The following ATXN7 variants were observed in gnomAD, a reference collection of about 807,000 sequenced individuals.
The protein encoded by ATXN7 is ataxin-7.
In ATXN7, 12 loss-of-function variants were observed where a neutral mutation model predicts 70.5. The observed-to-expected ratio is 0.17, with a 90% CI of 0.11 to 0.28. The LOEUF is 0.28. Among genes scored for constraint, ATXN7 ranks in the 10% least tolerant of loss-of-function variants. The pLI is 1.00. For missense variants in ATXN7, 1,256 were observed against 1,131.7 expected (o/e 1.11, Z -1.58); for synonymous variants, 498 against 448.7 (o/e 1.11, Z -1.39).
chr3:63,914,127 TTTTA>T (rs1433925788), intron 4 of ATXN7, among the ~76,000 whole-genome samples: 1 of 152,198 alleles, frequency 6.6e-6, no homozygotes, highest in African/African-American at 2.4e-5. Context: ...CCGAATGCAA[TTTTA>T]TTTCTCACTC....
chr3:63,915,784 C>G (rs961189006), intron 4 of ATXN7, among the ~76,000 whole-genome samples: 1 of 151,458 alleles, frequency 6.6e-6, no homozygotes, highest in African/African-American at 2.4e-5. Context: ...TGGGTTCAAG[C>G]GATTCTCTGG....
intron 4 of ATXN7, among the ~76,000 whole-genome samples, chr3:63,923,154 A>AT: frequency 6.6e-6 from 1 of 152,282 alleles, no homozygotes; most frequent in South Asian, 2.1e-4. Context: ...AACTTCACTC[A>AT]TTTAGCTTTT....
At chr3:63,924,955 A>T (rs1196423039) in intron 4 of ATXN7, among the ~76,000 whole-genome samples, 2 of 152,186 alleles carry the variant, frequency 1.3e-5, no homozygotes, top group Non-Finnish European at 2.9e-5. Context: ...AGAGTAAGGG[A>T]TAATTGGTCA....
In ATXN7 at chr3:63,884,203, GCACACACACACACACACACA is replaced by G. The variant is rs57391192; in HGVS notation, c.-110-14177_-110-14158del. On this transcript the variant is annotated intron_variant, in intron 1 of 12. Transcript: ENST00000674280. ...TCCAGAAAGTAAGAAAATAACATGC[GCACACACACACACACACACA>G]CACACACACACACACACATACTCTC... Among the ~76,000 whole-genome samples the G allele has an allele frequency of 8.4e-5, 12 of 143,032 alleles. No homozygotes were observed. The Middle Eastern group carries it at 0.01, about 125-fold the overall frequency. 93.8% of individuals were successfully genotyped at this position (143,032 alleles called of 152,430 possible).
In ATXN7 at chr3:63,990,176, G is replaced by T; in HGVS notation, c.1362G>T (p.Arg454Ser). The change falls in exon 10 of 13, where the codon AGG becomes AGT. Residue 454 changes from arginine to serine, a missense_variant and splice_region_variant. By Grantham distance (110) the Arg-to-Ser change is moderately radical (BLOSUM62 -1). Coordinates refer to ENST00000674280, the MANE Select transcript of ATXN7 (RefSeq NM_001377405.1). ...KPKPHTPSLP[R>S]PPGCPAQQGG... ...CGTGCTGCACTTTCTACTCACCAAGGCCTCCAGGCTGCCCTGCTCAGCAAG... is the reference window on the plus strand; with the variant it reads ...CGTGCTGCACTTTCTACTCACCAAGTCCTCCAGGCTGCCCTGCTCAGCAAG... 6.2e-7 allele frequency: 1 copy of T among 1,612,688 alleles called. No individual in the cohort carries two copies.
chr3:63,922,012 A>G lies in ATXN7; in HGVS notation c.394+8787A>G, dbSNP rs535008643. Among the ~76,000 whole-genome samples the G allele has an allele frequency of 7.2e-5, 11 of 152,162 alleles. No homozygotes were observed. In the South Asian group the frequency reaches 2.1e-3, roughly 29 times the overall value. ...TGACAGAGTGTAGCAAATGAACCGCAGTTTTTTTCTTTTTCTTTTTTTTTC... is the reference window on the plus strand; with the variant it reads ...TGACAGAGTGTAGCAAATGAACCGCGGTTTTTTTCTTTTTCTTTTTTTTTC... On this transcript the variant is annotated intron_variant, in intron 4 of 12. Transcript: ENST00000674280.
rs182720371 is a variant in ATXN7, at chr3:63,893,778, T to G, written c.-110-4621T>G. Among the ~76,000 whole-genome samples, 263 of 152,212 alleles carry G rather than the reference T, an allele frequency of 1.7e-3. 1 individual carries two copies. The highest frequency in any genetic ancestry group is 3.3e-3 in the Admixed American group (50 of 15,286). On this transcript the variant is annotated intron_variant, in intron 1 of 12. Transcript: ENST00000674280. ...AGTAACTCTGAGCAGTGGCTGTAGC[T>G]CAGCAGGTAGAAAAACTCTCTAACC...
At chr3:63,956,315 G>T (rs564794731) in intron 5 of ATXN7, among the ~76,000 whole-genome samples, 55 of 151,742 alleles carry the variant, frequency 3.6e-4, no homozygotes, top group Middle Eastern at 6.8e-3. Flanking sequence ...CTCCCACTTG[G>T]GAGGCTGAGG....
chr3:63,945,928 T>G (rs1217375883), intron 4 of ATXN7, among the ~76,000 whole-genome samples: 1 of 152,118 alleles, frequency 6.6e-6, no homozygotes, highest in Non-Finnish European at 1.5e-5. Flanking sequence ...TGTGGTGTAG[T>G]TCAGGAACAA....
At chr3:63,884,597 G>A (rs943751029) in intron 1 of ATXN7, among the ~76,000 whole-genome samples, 22 of 151,788 alleles carry the variant, frequency 1.4e-4, no homozygotes, top group Non-Finnish European at 2.6e-4. Context: ...GATTTATGCA[G>A]ATAATCATCT....
chr3:63,897,544 A>G (rs1380892801), intron 1 of ATXN7, among the ~76,000 whole-genome samples: 1 of 152,230 alleles, frequency 6.6e-6, no homozygotes, highest in East Asian at 1.9e-4. Context: ...GTACATGAAA[A>G]TAAATAAAAG....
At chr3:63,953,791 C>T (rs2074994092) in intron 5 of ATXN7, among the ~76,000 whole-genome samples, 1 of 151,818 alleles carries the variant, frequency 6.6e-6, no homozygotes, top group Non-Finnish European at 1.5e-5. Context: ...GCTGGGACTA[C>T]AGGCACCCGC....
chr3:63,903,876 G>A (rs1703740515), intron 2 of ATXN7: 1 of 152,148 alleles, frequency 6.6e-6, no homozygotes, highest in South Asian at 2.1e-4. Flanking sequence ...AGTCAATCTG[G>A]AATTTTTTGT....
At position 63,999,609 on chromosome 3, in the gene ATXN7, C is replaced by G. The variant is rs1559665556; in HGVS notation, c.*142C>G. On this transcript the variant is annotated 3_prime_UTR_variant, in exon 13 of 13. Coordinates refer to ENST00000674280, the MANE Select transcript of ATXN7 (RefSeq NM_001377405.1). ...GCCTCAAGGGTAGAAACCTGCCGGGCTGTTGTTTTAACGAGGATTTCCCTG... is the reference window on the plus strand; with the variant it reads ...GCCTCAAGGGTAGAAACCTGCCGGGGTGTTGTTTTAACGAGGATTTCCCTG... 3 of 1,460,432 alleles carry G rather than the reference C, an allele frequency of 2.1e-6. No homozygotes were observed. Among genetic ancestry groups the G allele is most frequent in the Non-Finnish European group, 2.8e-6 (3 of 1,063,318 alleles). The allele number at this position is 1,460,432 out of a possible 1,614,324, so 90.5% of individuals were successfully genotyped here.
chr3:63,998,707 T>G, intron 12 of ATXN7: 1 of 979,984 alleles, frequency 1.0e-6, no homozygotes, highest in East Asian at 1.1e-4. Context: ...GTATTGCACA[T>G]TTTTATGTCT....
intron 1 of ATXN7, among the ~76,000 whole-genome samples, chr3:63,865,639 C>T (rs150693802): frequency 1.3e-5 from 2 of 152,104 alleles, no homozygotes; most frequent in East Asian, 3.9e-4. Flanking sequence ...CGCCTGTAAT[C>T]CCAGCACTTT....
chr3:63,964,339 G>A (rs184182852), intron 5 of ATXN7, among the ~76,000 whole-genome samples: 3 of 152,214 alleles, frequency 2.0e-5, no homozygotes, highest in East Asian at 3.9e-4. Flanking sequence ...AAAATGTGAG[G>A]CCTCCTAGAG....
chr3:63,987,007 A>AT (rs1314148423), intron 8 of ATXN7, among the ~76,000 whole-genome samples: 3 of 152,172 alleles, frequency 2.0e-5, no homozygotes, highest in African/African-American at 7.2e-5. Context: ...ACTCCTCAGG[A>AT]TTAGCATCTC....
At chr3:63,990,060 T>TA in intron 9 of ATXN7, 116 bp from the exon 10 acceptor site, 3 of 940,678 alleles carry the variant, frequency 3.2e-6, no homozygotes, top group Non-Finnish European at 4.8e-6. Flanking sequence ...CCCCCAGTGC[T>TA]AGAGGTGGAA....
Sources: gnomAD v4.1 joint callset for allele counts (sites outside exome capture counted in the v4.1 genomes callset) on GRCh38, gnomAD v4.1.1 for gene constraint, MANE v1.5 for transcripts, NCBI Gene and HGNC (gene_info 2026-07-23, HGNC 2026-07-21) for gene names.